The following RSF1 variants were observed in gnomAD, a reference collection of about 807,000 sequenced individuals.
RSF1 encodes remodeling and spacing factor 1, also known as HBV pX-associated protein 8.
A neutral mutation model predicts 145.2 loss-of-function variants in RSF1; 13 were observed. The observed-to-expected ratio is 0.09, with a 90% CI of 0.06 to 0.14. The LOEUF (loss-of-function observed/expected upper bound fraction) is 0.14. Ranked by LOEUF, RSF1 falls within the 10% of genes least tolerant of loss-of-function variation. The probability of loss-of-function intolerance (pLI) is 1.00; values close to 1 mark genes in which losing one functional copy is unlikely to be tolerated. For missense variants in RSF1, 1,517 were observed against 1,718.2 expected (o/e 0.88, Z 2.07); for synonymous variants, 577 against 592.6 (o/e 0.97, Z 0.38).
intron 2 of RSF1, among the ~76,000 whole-genome samples, chr11:77,755,260 G>C (rs1365545272): frequency 5.3e-5 from 8 of 152,296 alleles, no homozygotes; most frequent in Non-Finnish European, 5.9e-5. Flanking sequence ...CATTATGAGG[G>C]TAGTGGGGAT....
chr11:77,813,820 G>GAC (rs10688175), intron 1 of RSF1: 36,532 of 169,000 alleles, frequency 0.22, 4,384 homozygotes, highest in Middle Eastern at 0.31. Flanking sequence ...TTTGTAAAAG[G>GAC]ACACACACAC....
At chr11:77,709,804 C>G (rs1218621274) in intron 5 of RSF1, among the ~76,000 whole-genome samples, 1 of 151,986 alleles carries the variant, frequency 6.6e-6, no homozygotes, top group Non-Finnish European at 1.5e-5. Context: ...CTTCTGAGCT[C>G]AAGCAACCCT....
At chr11:77,748,189 A>G (rs1271407349) in intron 2 of RSF1, among the ~76,000 whole-genome samples, 1 of 150,522 alleles carries the variant, frequency 6.6e-6, no homozygotes, top group Non-Finnish European at 1.5e-5. Context: ...AACAAGCAGT[A>G]TGGCCAGGAA....
chr11:77,778,530 T>C (rs1464836848), intron 1 of RSF1, among the ~76,000 whole-genome samples: 2 of 152,152 alleles, frequency 1.3e-5, no homozygotes, highest in Non-Finnish European at 2.9e-5. Context: ...CTCTAACATA[T>C]GCTCCCTCTT....
At chr11:77,671,641 T>G (rs1590821054) in intron 15 of RSF1, among the ~76,000 whole-genome samples, 4 of 151,352 alleles carry the variant, frequency 2.6e-5, no homozygotes. Flanking sequence ...TGGATTTTTT[T>G]TTTTTTTTTT....
the RSF1 span, among the ~76,000 whole-genome samples, chr11:77,829,245 G>T: frequency 6.6e-6 from 1 of 152,194 alleles, no homozygotes; most frequent in Non-Finnish European, 1.5e-5. Flanking sequence ...GACACAGAGA[G>T]ATGGCAGACA....
the RSF1 span, among the ~76,000 whole-genome samples, chr11:77,854,962 T>C: frequency 6.6e-6 from 1 of 152,170 alleles, no homozygotes; most frequent in Admixed American, 6.5e-5. Context: ...ATTGTCACAC[T>C]CTGTGCACCC....
chr11:77,840,484 G>A, the RSF1 span, among the ~76,000 whole-genome samples: 4 of 152,068 alleles, frequency 2.6e-5, no homozygotes, highest in Admixed American at 6.6e-5. Flanking sequence ...AGCCAAGATC[G>A]CACCACTGCA....
At chr11:77,771,517 T>C (rs1037087056) in intron 1 of RSF1, among the ~76,000 whole-genome samples, 2 of 152,180 alleles carry the variant, frequency 1.3e-5, no homozygotes, top group Non-Finnish European at 2.9e-5. Context: ...CTTAGAGCTA[T>C]GTAAAGAGTT....
In RSF1 at chr11:77,689,958, T is replaced by C. The variant is rs56709311; in HGVS notation, c.2900+1201A>G. Among the ~76,000 whole-genome samples the C allele has an allele frequency of 2.0e-3, 308 of 152,160 alleles. 2 individuals are homozygous for C. Among genetic ancestry groups the C allele is most frequent in the Middle Eastern group, 6.8e-3 (2 of 294 alleles). ...GCGGGTGAATCACAAGGTCAGCAGT[T>C]CGAGACTAGCCTGGCCAGTATGGTG... is the stretch of plus-strand genomic sequence containing the variant. On this transcript the variant is annotated intron_variant, in intron 9 of 15. Coordinates refer to ENST00000308488, the MANE Select transcript of RSF1 (RefSeq NM_016578.4).
At chr11:77,777,317 C>T (rs1025698120) in intron 1 of RSF1, among the ~76,000 whole-genome samples, 3 of 152,174 alleles carry the variant, frequency 2.0e-5, no homozygotes, top group African/African-American at 7.2e-5. Flanking sequence ...CCCCGCCAGG[C>T]GAGGTGGCTC....
intron 1 of RSF1, among the ~76,000 whole-genome samples, chr11:77,816,202 T>G (rs983452250): frequency 6.6e-6 from 1 of 152,234 alleles, no homozygotes; most frequent in African/African-American, 2.4e-5. Context: ...CTACTATTAA[T>G]GTATGTATGC....
chr11:77,667,302 G>T lies in RSF1; in HGVS notation c.3941C>A (p.Ala1314Asp). The T allele has an allele frequency of 6.2e-7, 1 of 1,614,146 alleles. No individual in the cohort carries two copies. The highest frequency in any genetic ancestry group is 8.5e-7 in the Non-Finnish European group (1 of 1,180,020). Residue 1314 changes from alanine to aspartate, a missense_variant, in exon 16 of 16, where the codon GCT (alanine) becomes GAT (aspartate). This residue lies in a region of RSF1 where 240 missense variants were observed against 231.8 expected (regional missense o/e 1.04). Transcript: ENST00000308488. ...GGCAGGCTGATTTGCATCTCCATGA[G>T]CATTGTCACAACTCTCCTCCTCATC... ...ETDEEESCDNAHGDANQPARD... is the reference protein window; with the variant it reads ...ETDEEESCDNDHGDANQPARD...
At chr11:77,805,329 G>A (rs574707157) in intron 1 of RSF1, among the ~76,000 whole-genome samples, 4 of 151,962 alleles carry the variant, frequency 2.6e-5, no homozygotes, top group South Asian at 2.1e-4. Context: ...TTAGCCAGGC[G>A]TGGTGGCATG....
chr11:77,782,878 C>T (rs1948418347), intron 1 of RSF1, among the ~76,000 whole-genome samples: 1 of 152,190 alleles, frequency 6.6e-6, no homozygotes, highest in African/African-American at 2.4e-5. Context: ...TACAGAAAAA[C>T]TTGGCTAACC....
intron 1 of RSF1, among the ~76,000 whole-genome samples, chr11:77,803,130 G>C (rs1253365834): frequency 6.6e-6 from 1 of 152,052 alleles, no homozygotes; most frequent in Non-Finnish European, 1.5e-5. Flanking sequence ...AACCTCCAGG[G>C]ACAGGATAGG....
At chr11:77,741,921 A>G (rs1370426431) in intron 3 of RSF1, among the ~76,000 whole-genome samples, 3 of 152,188 alleles carry the variant, frequency 2.0e-5, no homozygotes, top group Non-Finnish European at 4.4e-5. Flanking sequence ...TAGATTCCAC[A>G]TTAAGTAATA....
At chr11:77,809,397 AAAGAT>A (rs1948709665) in intron 1 of RSF1, among the ~76,000 whole-genome samples, 1 of 152,172 alleles carries the variant, frequency 6.6e-6, no homozygotes, top group South Asian at 2.1e-4. Context: ...TTTTTCTACG[AAAGAT>A]AAGAATGGAG....
chr11:77,802,075 G>A (rs1948631678), intron 1 of RSF1, among the ~76,000 whole-genome samples: 1 of 152,098 alleles, frequency 6.6e-6, no homozygotes, highest in South Asian at 2.1e-4. Context: ...TTCATGTGCT[G>A]GGGGACAGAA....
Sources: allele counts gnomAD v4.1 joint callset (sites outside exome capture counted in the v4.1 genomes callset), GRCh38; gene constraint gnomAD v4.1.1; regional missense constraint gnomAD v4.1.1; transcripts MANE v1.5; gene names NCBI Gene and HGNC (gene_info 2026-07-23, HGNC 2026-07-21).